ASB7: variants seen among roughly 807,000 people sequenced by gnomAD.
ASB7 encodes ankyrin repeat and SOCS box containing 7.
Under a neutral mutation model 32.5 loss-of-function variants are expected in ASB7, and 4 were observed. That is an observed-to-expected ratio of 0.12 (90% CI 0.06 to 0.28). The LOEUF (loss-of-function observed/expected upper bound fraction) is 0.28. Among genes scored for constraint, ASB7 ranks in the 10% least tolerant of loss-of-function variants. ASB7 has a pLI of 1.00. For missense variants in ASB7, 181 were observed against 407.1 expected (o/e 0.44, Z 4.78); for synonymous variants, 172 against 155.6 (o/e 1.11, Z -0.78).
intron 5 of ASB7, among the ~76,000 whole-genome samples, chr15:100,648,058 GAT>G (rs1263616671): frequency 6.6e-6 from 1 of 152,190 alleles, no homozygotes; most frequent in Non-Finnish European, 1.5e-5. Flanking sequence ...TTGGTTGTCT[GAT>G]ATTAAGCAAC....
chr15:100,650,874 C>T lies in ASB7; in HGVS notation c.*2412C>T, dbSNP rs1164322417. The T allele has an allele frequency of 6.6e-6, 1 of 152,190 alleles. No individual in the cohort carries two copies. Among genetic ancestry groups the T allele is most frequent in the Admixed American group, 6.5e-5 (1 of 15,284 alleles). 9.4% of individuals were successfully genotyped at this position (152,190 alleles called of 1,614,324 possible). ...AACTAAAATGTCTCCAGGTGGGTTACTGGTAGATGATAGTGGTGACACCTG... is the reference window on the plus strand; with the variant it reads ...AACTAAAATGTCTCCAGGTGGGTTATTGGTAGATGATAGTGGTGACACCTG... On this transcript the variant is annotated 3_prime_UTR_variant, in exon 6 of 6. Transcript: ENST00000332783.
chr15:100,613,607 G>C (rs1417870550), intron 4 of ASB7, among the ~76,000 whole-genome samples: 3 of 152,150 alleles, frequency 2.0e-5, no homozygotes, highest in Non-Finnish European at 4.4e-5. Flanking sequence ...GGAACGCCAG[G>C]AAAAAGATCT....
At position 100,629,503 on chromosome 15, in the gene ASB7, G is replaced by A. The variant is rs1267509160; in HGVS notation, c.278G>A (p.Arg93Gln). Residue 93 changes from arginine (R) to glutamine (Q), a missense_variant, in exon 5 of 6, where the codon CGG (arginine) becomes CAG (glutamine). Arg to Gln is a conservative substitution (Grantham distance 43). Transcript: ENST00000332783. This position sits in a 1 kb window ranked among gnomAD's most constrained non-coding sequence, Gnocchi z 6.8. ...CTTCACTATGCAGCCATGCATGGCC[G>A]GGCCCGCATTGCACGCTTGATGTTA... The part of the protein sequence containing the change: ...TALHYAAMHG[R>Q]ARIARLMLES... The A allele has an allele frequency of 1.2e-6, 2 of 1,613,912 alleles. No individual in the cohort carries two copies. Among genetic ancestry groups the A allele is most frequent in the Non-Finnish European group, 1.7e-6 (2 of 1,179,802 alleles).
chr15:100,638,732 G>C (rs1352072371), intron 5 of ASB7, among the ~76,000 whole-genome samples: 2 of 152,154 alleles, frequency 1.3e-5, no homozygotes, highest in Non-Finnish European at 1.5e-5. Flanking sequence ...GTGCAGGTTT[G>C]TTACATAGGT....
At chr15:100,622,270 A>G (rs933284385) in intron 4 of ASB7, among the ~76,000 whole-genome samples, 2 of 152,150 alleles carry the variant, frequency 1.3e-5, no homozygotes, top group African/African-American at 2.4e-5. Flanking sequence ...AGATCTCTAC[A>G]AGGAAAACTA....
chr15:100,606,882 CG>C (rs1179262866), intron 2 of ASB7, among the ~76,000 whole-genome samples: 1 of 152,064 alleles, frequency 6.6e-6, no homozygotes, highest in Non-Finnish European at 1.5e-5. Context: ...TGGCCGGGCG[CG>C]GTGGCTCACA....
intron 5 of ASB7, among the ~76,000 whole-genome samples, chr15:100,642,032 G>T (rs1235718293): frequency 6.6e-6 from 1 of 152,182 alleles, no homozygotes; most frequent in Non-Finnish European, 1.5e-5. Context: ...CATCATTAAA[G>T]GAAATTCTGC....
Position 100,611,484 on chromosome 15 carries a change from C to CTTTTTT in ASB7, c.-51-674_-51-669dup, listed in dbSNP as rs61153969. On this transcript the variant is annotated intron_variant, in intron 3 of 5. Transcript: ENST00000332783. The stretch of plus-strand genomic sequence containing the variant: ...GGTTAATCACCAGATTGTTTCGATT[C>CTTTTTT]TTTTTTTTTTTTTGAGACAGAATTT... 1.3e-4 allele frequency among the ~76,000 whole-genome samples: 10 copies of CTTTTTT among 77,156 alleles called. 3 individuals are homozygous for CTTTTTT. Among genetic ancestry groups the CTTTTTT allele is most frequent in the Admixed American group, 4.4e-4 (2 of 4,498 alleles). 50.6% of individuals were successfully genotyped at this position (77,156 alleles called of 152,430 possible).
At chr15:100,623,420 G>A (rs1052121115) in intron 4 of ASB7, among the ~76,000 whole-genome samples, 2 of 152,106 alleles carry the variant, frequency 1.3e-5, no homozygotes, top group Non-Finnish European at 2.9e-5. Flanking sequence ...ACAAAAGTGA[G>A]CAAAGGACAC....
chr15:100,617,917 G>A (rs1300321764), intron 4 of ASB7, among the ~76,000 whole-genome samples: 1 of 152,028 alleles, frequency 6.6e-6, no homozygotes. Flanking sequence ...CTGGAAATGG[G>A]CCGCGTTATG....
chr15:100,623,627 G>C (rs961757303), intron 4 of ASB7, among the ~76,000 whole-genome samples: 1 of 152,180 alleles, frequency 6.6e-6, no homozygotes, highest in Non-Finnish European at 1.5e-5. Context: ...TCTTAATACG[G>C]TGTTGGTGGG....
chr15:100,613,742 G>T (rs889450484), intron 4 of ASB7, among the ~76,000 whole-genome samples: 1 of 152,158 alleles, frequency 6.6e-6, no homozygotes, highest in African/African-American at 2.4e-5. Flanking sequence ...TTTCACTTCT[G>T]CCAGCCTTAC....
rs2040020254 is a variant in ASB7 at position 100,649,933 on chromosome 15, A to G, written c.*1471A>G. 6.6e-6 allele frequency: 1 copy of G among 152,262 alleles called. No homozygotes were observed. Among genetic ancestry groups the G allele is most frequent in the Non-Finnish European group, 1.5e-5 (1 of 68,044 alleles). 9.4% of individuals were successfully genotyped at this position (152,262 alleles called of 1,614,324 possible). On this transcript the variant is annotated 3_prime_UTR_variant, in exon 6 of 6. Coordinates refer to ENST00000332783, the MANE Select transcript of ASB7 (RefSeq NM_198243.3). ...TCGTCTGAATTTCTAGATTTAAGTC[A>G]TGAAGTGTAAAACTGTTTCACCCAG...
chr15:100,610,043 G>A (rs1166329501), intron 3 of ASB7, among the ~76,000 whole-genome samples: 1 of 152,184 alleles, frequency 6.6e-6, no homozygotes, highest in Non-Finnish European at 1.5e-5. Context: ...AGCTGTTAAG[G>A]ATGATTGTGA....
At chr15:100,611,985 C>T (rs1440096148) in intron 3 of ASB7, among the ~76,000 whole-genome samples, 181 bp from the exon 4 acceptor site, 1 of 151,902 alleles carries the variant, frequency 6.6e-6, no homozygotes, top group Non-Finnish European at 1.5e-5. Flanking sequence ...GTGATCCTCC[C>T]ACCTCAGCCT....
chr15:100,627,641 A>G (rs2039850922), intron 4 of ASB7, among the ~76,000 whole-genome samples: 1 of 152,208 alleles, frequency 6.6e-6, no homozygotes, highest in African/African-American at 2.4e-5. Context: ...CAAAGATGCA[A>G]GTGCAGTGTT....
chr15:100,621,491 G>C (rs1203567848), intron 4 of ASB7, among the ~76,000 whole-genome samples: 1 of 152,148 alleles, frequency 6.6e-6, no homozygotes, highest in Non-Finnish European at 1.5e-5. Context: ...ATTGGCAGTA[G>C]TTATTAGGAA....
At chr15:100,632,043 C>T (rs8036769) in intron 5 of ASB7, among the ~76,000 whole-genome samples, 43,894 of 152,192 alleles carry the variant, frequency 0.29, 7,602 homozygotes, top group South Asian at 0.42. Flanking sequence ...AGCACGTGGG[C>T]GGCTGCCGTG....
chr15:100,622,103 TACAAAATCA>T (rs2039797268), intron 4 of ASB7, among the ~76,000 whole-genome samples: 1 of 151,730 alleles, frequency 6.6e-6, no homozygotes, highest in South Asian at 2.1e-4. Context: ...AGTTGTAGGA[TACAAAATCA>T]ACATACAAAA....
Sources: gnomAD v4.1 joint callset for allele counts (sites outside exome capture counted in the v4.1 genomes callset) on GRCh38, gnomAD v4.1.1 for gene constraint, Gnocchi (gnomAD v3.1) non-coding constraint, MANE v1.5 for transcripts, NCBI Gene and HGNC (gene_info 2026-07-23, HGNC 2026-07-21) for gene names.